The following HSBP1L1 variants were observed in gnomAD, a reference collection of about 807,000 sequenced individuals.
HSBP1L1 encodes heat shock factor-binding protein 1-like protein 1.
A neutral mutation model predicts 9.7 loss-of-function variants in HSBP1L1; 8 were observed. That is an observed-to-expected ratio of 0.82 (90% CI 0.48 to 1.48). The LOEUF is 1.48. Among genes scored for constraint, HSBP1L1 ranks in the 40% most tolerant of loss-of-function variants. HSBP1L1 has a pLI of 0.00. For synonymous variants in HSBP1L1, 39 were observed against 34.4 expected (o/e 1.13, Z -0.46); for missense variants, 106 against 95.8 (o/e 1.11, Z -0.44).
intron 3 of HSBP1L1, among the ~76,000 whole-genome samples, chr18:79,969,332 AAAGAAAGAAAGAAAG>A (rs2051278711): frequency 1.4e-4 from 1 of 7,216 alleles, no homozygotes; most frequent in Non-Finnish European, 3.2e-4. Flanking sequence ...AAAGAAAGAA[AAAGAAAGAAAGAAAG>A]AAAGAAAGAA....
intron 3 of HSBP1L1, among the ~76,000 whole-genome samples, chr18:79,969,329 GAAAAAGAA>G (rs1331067330): frequency 2.9e-4 from 22 of 75,756 alleles, no homozygotes; most frequent in Middle Eastern, 7.6e-3. Context: ...AAGAAAGAAA[GAAAAAGAA>G]AGAAAGAAAG....
At position 79,966,735 on chromosome 18, in the gene HSBP1L1, T is replaced by C. The variant is rs766718809; in HGVS notation, c.118+57T>C. 9 of 1,243,802 alleles carry C rather than the reference T, an allele frequency of 7.2e-6. No homozygotes were observed. The Admixed American group carries it at 1.0e-4, about 14-fold the overall frequency. 77.0% of individuals were successfully genotyped at this position (1,243,802 alleles called of 1,614,324 possible). On this transcript the variant is annotated intron_variant, in intron 2 of 3. Transcript: ENST00000451882. Reference sequence around the variant, plus strand: ...ATTCTTTCGGACTGGTAGATTATCATGGAGTATCTTTTTGTTGTCTGGTAG... The same window carrying C: ...ATTCTTTCGGACTGGTAGATTATCACGGAGTATCTTTTTGTTGTCTGGTAG...
intron 3 of HSBP1L1, among the ~76,000 whole-genome samples, chr18:79,969,347 G>GA (rs576591154): frequency 4.9e-4 from 18 of 36,736 alleles, no homozygotes; most frequent in East Asian, 4.3e-3. Flanking sequence ...AAGAAAGAAA[G>GA]AAAGAAAGAA....
At chr18:79,967,511 T>TA (rs1287926640) in intron 2 of HSBP1L1, 3 of 152,270 alleles carry the variant, frequency 2.0e-5, no homozygotes, top group Non-Finnish European at 2.9e-5. Context: ...GCTACACAAT[T>TA]AAATATATTC....
intron 2 of HSBP1L1, among the ~76,000 whole-genome samples, chr18:79,967,307 G>A (rs1169910457): frequency 6.6e-6 from 1 of 152,104 alleles, no homozygotes; most frequent in Non-Finnish European, 1.5e-5. Flanking sequence ...AGACCCCACA[G>A]AGCATAACAC....
chr18:79,964,952 C>T (rs1321385133), intron 1 of HSBP1L1, among the ~76,000 whole-genome samples, 166 bp downstream of exon 1: 1 of 134,438 alleles, frequency 7.4e-6, no homozygotes, highest in African/African-American at 2.9e-5. Flanking sequence ...TCCTGTGGTC[C>T]TGAGGAGTCC....
At chr18:79,967,834 C>A in intron 2 of HSBP1L1, 1 of 384,608 alleles carries the variant, frequency 2.6e-6, no homozygotes, top group Non-Finnish European at 4.6e-6. Flanking sequence ...TAAAATATAC[C>A]AGACAATCTC....
rs2145035557 is a variant in HSBP1L1, at chr18:79,968,121, C to G, written c.151C>G (p.Gln51Glu). 1 of 1,550,206 alleles carries G rather than the reference C, an allele frequency of 6.5e-7. No homozygotes were observed. The highest frequency in any genetic ancestry group is 1.4e-5 in the African/African-American group (1 of 73,144). Residue 51 changes from glutamine (Q) to glutamate (E), a missense_variant, in exon 3 of 4, where the codon CAG (glutamine) becomes GAG (glutamate). Transcript: ENST00000451882. ...EEMGNRIEDL[Q>E]KNVKDLMVQA... is the part of the protein sequence containing the mutation. Reference sequence around the variant, plus strand: ...AATGGGAAATCGCATTGAGGACTTACAGAAGAATGTCAAGGACTTAATGGT... The same window carrying G: ...AATGGGAAATCGCATTGAGGACTTAGAGAAGAATGTCAAGGACTTAATGGT...
Position 79,970,697 on chromosome 18 carries a change from A to T in HSBP1L1, c.*246A>T, listed in dbSNP as rs531516451. 4 of 493,972 alleles carry T rather than the reference A, an allele frequency of 8.1e-6. No individual in the cohort carries two copies. The East Asian group carries it at 1.2e-4, about 15-fold the overall frequency. The allele number at this position is 493,972 out of a possible 1,614,324, so 30.6% of individuals were successfully genotyped here. A position where few individuals can be genotyped will look rare whatever the true frequency, so the allele number is the denominator to read the frequency against. On this transcript the variant is annotated 3_prime_UTR_variant, in exon 4 of 4. Transcript: ENST00000451882. ...ACTTCCAGAAAACAGAACTGTGAAA[A>T]GACAAGTTTCTGTTGTTTAAACCAC...
At chr18:79,969,875 T>C (rs1280408151) in intron 3 of HSBP1L1, among the ~76,000 whole-genome samples, 1 of 152,244 alleles carries the variant, frequency 6.6e-6, no homozygotes, top group African/African-American at 2.4e-5. Context: ...TTCCAAACAA[T>C]GCTGCACTAT....
At chr18:79,970,080 C>A (rs1319610488) in intron 3 of HSBP1L1, 3 of 227,330 alleles carry the variant, frequency 1.3e-5, no homozygotes, top group Non-Finnish European at 2.7e-5. Context: ...GATTAAAGCA[C>A]CACAGTGCCA....
At chr18:79,969,353 AAGAAAGAAAG>A (rs2051280185) in intron 3 of HSBP1L1, among the ~76,000 whole-genome samples, 1 of 44,348 alleles carries the variant, frequency 2.3e-5, no homozygotes, top group Non-Finnish European at 5.6e-5. Flanking sequence ...GAAAGAAAGA[AAGAAAGAAAG>A]AAAGAAAGAA....
chr18:79,970,544 GTCTT>G lies in HSBP1L1; in HGVS notation c.*97_*100del, dbSNP rs1328194673. On this transcript the variant is annotated 3_prime_UTR_variant, in exon 4 of 4. Coordinates refer to ENST00000451882, the MANE Select transcript of HSBP1L1 (RefSeq NM_001136180.2). ...GTGGGGCCCTCATCCAACAGGATTC[GTCTT>G]TCTGAGAAGAGACGCAAGGGGCTCG... 1.1e-5 allele frequency: 8 copies of G among 712,438 alleles called. No homozygotes were observed. Among genetic ancestry groups the G allele is most frequent in the Non-Finnish European group, 2.1e-5 (8 of 381,490 alleles). 44.1% of individuals were successfully genotyped at this position (712,438 alleles called of 1,614,324 possible).
intron 3 of HSBP1L1, among the ~76,000 whole-genome samples, chr18:79,969,363 GA>G (rs1409012045): frequency 4.2e-5 from 2 of 48,076 alleles, no homozygotes; most frequent in African/African-American, 1.0e-4. Context: ...AAGAAAGAAA[GA>G]AAGAAAGAAA....
intron 2 of HSBP1L1, 152 bp downstream of exon 2, chr18:79,966,830 TTAA>T: frequency 1.6e-6 from 1 of 625,584 alleles, no homozygotes; most frequent in East Asian, 2.9e-5. Context: ...TCCTGATGTG[TTAA>T]TTACCCCTCA....
At chr18:79,964,829 C>T in intron 1 of HSBP1L1, 43 bp downstream of exon 1, 3 of 1,171,546 alleles carry the variant, frequency 2.6e-6, no homozygotes, top group Non-Finnish European at 3.3e-6. Flanking sequence ...GATGGGGGCG[C>T]CCCTGCGGTT....
At chr18:79,968,726 C>A (rs2051269978) in intron 3 of HSBP1L1, among the ~76,000 whole-genome samples, 1 of 152,054 alleles carries the variant, frequency 6.6e-6, no homozygotes, top group African/African-American at 2.4e-5. Flanking sequence ...GCCTCGGCCT[C>A]CCAAAGTGCC....
At position 79,970,709 on chromosome 18, in the gene HSBP1L1, G is replaced by A. The variant is rs1599703252; in HGVS notation, c.*258G>A. The A allele has an allele frequency of 6.3e-6, 3 of 476,584 alleles. No homozygotes were observed. The highest frequency in any genetic ancestry group is 1.1e-5 in the Non-Finnish European group (3 of 262,262). The allele number at this position is 476,584 out of a possible 1,614,324, so 29.5% of individuals were successfully genotyped here. A position where few individuals can be genotyped will look rare whatever the true frequency, so the allele number is the denominator to read the frequency against. ...CAGAACTGTGAAAAGACAAGTTTCT[G>A]TTGTTTAAACCACCCAATCTGAAGT... On this transcript the variant is annotated 3_prime_UTR_variant, in exon 4 of 4. Transcript: ENST00000451882.
chr18:79,967,204 G>A (rs2051262272), intron 2 of HSBP1L1, among the ~76,000 whole-genome samples: 2 of 149,580 alleles, frequency 1.3e-5, no homozygotes, highest in Non-Finnish European at 3.0e-5. Context: ...AGGATGTCTT[G>A]TGCAGCAAGT....
Sources: gnomAD v4.1 joint callset for allele counts (sites outside exome capture counted in the v4.1 genomes callset) on GRCh38, gnomAD v4.1.1 for gene constraint, MANE v1.5 for transcripts, NCBI Gene and HGNC (gene_info 2026-07-23, HGNC 2026-07-21) for gene names.